The following NCOA2 variants were observed in gnomAD, a reference collection of about 807,000 sequenced individuals.
NCOA2 encodes the protein nuclear receptor coactivator 2.
Under a neutral mutation model 145.1 loss-of-function variants are expected in NCOA2, and 21 were observed. The observed-to-expected ratio is 0.14, with a 90% CI of 0.10 to 0.21. The LOEUF (loss-of-function observed/expected upper bound fraction) is 0.21, where lower values mean the gene tolerates loss of function less well. Ranked by LOEUF, NCOA2 falls within the 10% of genes least tolerant of loss-of-function variation. The probability of loss-of-function intolerance (pLI) is 1.00; values close to 1 mark genes in which losing one functional copy is unlikely to be tolerated. For synonymous variants in NCOA2, 619 were observed against 637.5 expected (o/e 0.97, Z 0.44); for missense variants, 1,472 against 1,837.6 (o/e 0.80, Z 3.64).
chr8:70,359,105 G>T (rs1809989989), intron 1 of NCOA2, among the ~76,000 whole-genome samples: 1 of 152,170 alleles, frequency 6.6e-6, no homozygotes, highest in South Asian at 2.1e-4. Flanking sequence ...TGAGGATGTA[G>T]CGAAATTAGA....
the NCOA2 span, among the ~76,000 whole-genome samples, chr8:70,439,057 G>T: frequency 6.6e-6 from 1 of 152,216 alleles, no homozygotes; most frequent in Non-Finnish European, 1.5e-5. Flanking sequence ...CATTAACCAA[G>T]TTTAACAGGG....
chr8:70,424,749 G>A, the NCOA2 span, among the ~76,000 whole-genome samples: 3 of 152,204 alleles, frequency 2.0e-5, no homozygotes, highest in Non-Finnish European at 4.4e-5. Context: ...ACAATGGGTG[G>A]TCTGTGTTGC....
At chr8:70,282,654 C>A (rs1219059494) in intron 2 of NCOA2, among the ~76,000 whole-genome samples, 1 of 150,268 alleles carries the variant, frequency 6.7e-6, no homozygotes, top group Non-Finnish European at 1.5e-5. Context: ...TGCCATTGTA[C>A]TCCAGCCTGG....
In NCOA2 at chr8:70,271,309, GATT is replaced by G. The variant is rs560612658; in HGVS notation, c.-20+25432_-20+25434del. On this transcript the variant is annotated intron_variant, in intron 2 of 22. Transcript: ENST00000452400. ...ACCAGAGTACTGTGGAACACACTGA[GATT>G]ATTAGTATTAATTTTTACATATTTC... Among the ~76,000 whole-genome samples, 358 of 152,288 alleles carry G rather than the reference GATT, an allele frequency of 2.4e-3. No individual in the cohort carries two copies. The Middle Eastern group carries it at 0.024, about 10-fold the overall frequency.
At chr8:70,116,104 A>G (rs1326808513) in intron 22 of NCOA2, among the ~76,000 whole-genome samples, 3 of 148,824 alleles carry the variant, frequency 2.0e-5, no homozygotes, top group Admixed American at 6.7e-5. Context: ...GGAGAATGGC[A>G]TGAACCTGGG....
the NCOA2 span, among the ~76,000 whole-genome samples, chr8:70,412,919 G>A: frequency 3.2e-4 from 49 of 151,778 alleles, no homozygotes; most frequent in African/African-American, 1.1e-3. Context: ...CCAACATGGC[G>A]AAACCCTGTC....
chr8:70,237,170 G>C (rs1025643841), intron 2 of NCOA2, among the ~76,000 whole-genome samples: 5 of 152,132 alleles, frequency 3.3e-5, no homozygotes, highest in Non-Finnish European at 7.4e-5. Context: ...TAGTATACTT[G>C]TATTATCTTA....
At chr8:70,365,052 T>C (rs1010434628) in intron 1 of NCOA2, among the ~76,000 whole-genome samples, 2 of 152,180 alleles carry the variant, frequency 1.3e-5, no homozygotes, top group Non-Finnish European at 2.9e-5. Flanking sequence ...AACATATGTG[T>C]CTGGGCTCAG....
At chr8:70,447,819 G>A in the NCOA2 span, among the ~76,000 whole-genome samples, 1 of 151,390 alleles carries the variant, frequency 6.6e-6, no homozygotes. Context: ...TGAGTCGTTA[G>A]GACTACAGGA....
intron 2 of NCOA2, among the ~76,000 whole-genome samples, chr8:70,230,869 T>C (rs1041115137): frequency 2.6e-5 from 4 of 152,228 alleles, no homozygotes; most frequent in Admixed American, 2.6e-4. Flanking sequence ...AGTGTATATA[T>C]AATTTTATAG....
intron 1 of NCOA2, among the ~76,000 whole-genome samples, chr8:70,326,142 C>G (rs1402104563): frequency 6.6e-6 from 1 of 152,040 alleles, no homozygotes; most frequent in Non-Finnish European, 1.5e-5. Context: ...TGATATGGTT[C>G]AATTAATACT....
intron 1 of NCOA2, among the ~76,000 whole-genome samples, chr8:70,366,771 G>T (rs1028126498): frequency 6.7e-6 from 1 of 150,078 alleles, no homozygotes; most frequent in Non-Finnish European, 1.5e-5. Flanking sequence ...TTACTTGGAA[G>T]CTTGGAGTGC....
At position 70,110,061 on chromosome 8, in the gene NCOA2, C is replaced by T. The variant is rs1361668315; in HGVS notation, c.*3571G>A. ...ACACTGTAAGCTTTCTCCTGAAGAA[C>T]CATAGTTAATATATTGCTTAATTTT... On this transcript the variant is annotated 3_prime_UTR_variant, in exon 23 of 23. Coordinates refer to ENST00000452400, the MANE Select transcript of NCOA2 (RefSeq NM_006540.4). 5.1e-6 allele frequency: 1 copy of T among 196,038 alleles called. No homozygotes were observed. Among genetic ancestry groups the T allele is most frequent in the Non-Finnish European group, 1.1e-5 (1 of 94,366 alleles). The allele number at this position is 196,038 out of a possible 1,614,324, so 12.1% of individuals were successfully genotyped here. A position where few individuals can be genotyped will look rare whatever the true frequency, so the allele number is the denominator to read the frequency against.
chr8:70,198,070 G>A (rs1817523374), intron 4 of NCOA2, among the ~76,000 whole-genome samples: 1 of 152,104 alleles, frequency 6.6e-6, no homozygotes, highest in African/African-American at 2.4e-5. Flanking sequence ...CAAAGTGTTG[G>A]AATAACAGGT....
At chr8:70,439,566 G>C in the NCOA2 span, among the ~76,000 whole-genome samples, 1 of 152,218 alleles carries the variant, frequency 6.6e-6, no homozygotes, top group Non-Finnish European at 1.5e-5. Flanking sequence ...TGAGTAGAAC[G>C]CGTGGCTCTG....
At chr8:70,217,632 AT>A (rs765702336) in intron 2 of NCOA2, among the ~76,000 whole-genome samples, 5 of 152,242 alleles carry the variant, frequency 3.3e-5, no homozygotes, top group East Asian at 1.9e-4. Flanking sequence ...ATAAAAAAAA[AT>A]GTAAGAAAAT....
At chr8:70,423,935 G>T in the NCOA2 span, among the ~76,000 whole-genome samples, 4 of 152,178 alleles carry the variant, frequency 2.6e-5, no homozygotes, top group Non-Finnish European at 4.4e-5. Flanking sequence ...TTTCTTGGCT[G>T]CACAATGGCC....
At chr8:70,351,586 T>C (rs562680683) in intron 1 of NCOA2, among the ~76,000 whole-genome samples, 1 of 150,164 alleles carries the variant, frequency 6.7e-6, no homozygotes, top group South Asian at 2.1e-4. Context: ...TCACCTTTTC[T>C]TTTTTTCCTT....
intron 1 of NCOA2, among the ~76,000 whole-genome samples, chr8:70,370,028 G>C (rs1811069562): frequency 6.6e-6 from 1 of 152,006 alleles, no homozygotes; most frequent in Admixed American, 6.6e-5. Flanking sequence ...TGAGACCACA[G>C]GGGTGTGCCA....
Sources: allele counts gnomAD v4.1 joint callset (sites outside exome capture counted in the v4.1 genomes callset), GRCh38; gene constraint gnomAD v4.1.1; transcripts MANE v1.5; gene names NCBI Gene and HGNC (gene_info 2026-07-23, HGNC 2026-07-21).